CC2D2A: variants seen among roughly 807,000 people sequenced by gnomAD.
CC2D2A encodes coiled-coil and C2 domain containing 2A.
In CC2D2A, 155 loss-of-function variants were observed where a neutral mutation model predicts 212.9. The observed-to-expected ratio is 0.73, with a 90% CI of 0.64 to 0.83. CC2D2A has a LOEUF of 0.83. Among genes scored for constraint, CC2D2A ranks in the 40% least tolerant of loss-of-function variants. The probability of loss-of-function intolerance (pLI) is 0.00; values close to 1 mark genes in which losing one functional copy is unlikely to be tolerated. For synonymous variants in CC2D2A, 667 were observed against 686.5 expected (o/e 0.97, Z 0.44); for missense variants, 1,856 against 1,956.2 (o/e 0.95, Z 0.97).
At chr4:15,594,676 A>C (rs1419018859) in intron 33 of CC2D2A, among the ~76,000 whole-genome samples, 1 of 152,160 alleles carries the variant, frequency 6.6e-6, no homozygotes, top group Non-Finnish European at 1.5e-5. Context: ...TTTCTCTTTT[A>C]GTGGGAGGAA....
chr4:15,566,027 G>A (rs1236963894), intron 24 of CC2D2A, among the ~76,000 whole-genome samples: 3 of 152,242 alleles, frequency 2.0e-5, no homozygotes, highest in Non-Finnish European at 4.4e-5. Context: ...AGCTGTGAAA[G>A]GTGATAGTCT....
intron 11 of CC2D2A, among the ~76,000 whole-genome samples, chr4:15,520,986 T>C (rs941580278): frequency 6.6e-6 from 1 of 152,156 alleles, no homozygotes; most frequent in Non-Finnish European, 1.5e-5. Context: ...TTCCTTTCAA[T>C]ACTTTTGAGA....
intron 4 of CC2D2A, among the ~76,000 whole-genome samples, chr4:15,490,634 T>G (rs1216172319): frequency 6.6e-6 from 1 of 152,222 alleles, no homozygotes; most frequent in East Asian, 1.9e-4. Flanking sequence ...TTGTGTAAAC[T>G]TATGTTTTCA....
chr4:15,524,337 T>C (rs1392249863), intron 11 of CC2D2A, among the ~76,000 whole-genome samples: 4 of 152,138 alleles, frequency 2.6e-5, no homozygotes, highest in Non-Finnish European at 1.5e-5. Flanking sequence ...TTCACCATCT[T>C]GGCCAGGCTG....
At chr4:15,473,478 A>C (rs913719647) in intron 1 of CC2D2A, among the ~76,000 whole-genome samples, 1 of 152,202 alleles carries the variant, frequency 6.6e-6, no homozygotes, top group Non-Finnish European at 1.5e-5. Context: ...CCGCAGCTAC[A>C]AAGGTCCTGA....
chr4:15,535,574 G>A (rs1037653556), intron 14 of CC2D2A, among the ~76,000 whole-genome samples: 18 of 151,932 alleles, frequency 1.2e-4, no homozygotes, highest in African/African-American at 3.6e-4. Flanking sequence ...GAATAACAAT[G>A]AGAAAAGTGA....
At chr4:15,592,913 T>A (rs977443705) in intron 33 of CC2D2A, among the ~76,000 whole-genome samples, 1 of 152,328 alleles carries the variant, frequency 6.6e-6, no homozygotes, top group East Asian at 1.9e-4. Flanking sequence ...ATATCACTTA[T>A]CCTGATTCAA....
intron 8 of CC2D2A, among the ~76,000 whole-genome samples, chr4:15,512,737 A>G (rs746390103): frequency 3.9e-5 from 6 of 152,188 alleles, no homozygotes; most frequent in Non-Finnish European, 8.8e-5. Flanking sequence ...GGATCACCTA[A>G]GGTCAGGAGT....
chr4:15,502,836 T>G lies in CC2D2A; in HGVS notation c.351T>G (p.Ser117Arg), dbSNP rs186264635. The G allele has an allele frequency of 1.8e-3, 2,884 of 1,610,380 alleles. 6 individuals carry two copies. The highest frequency in any genetic ancestry group is 2.1e-3 in the Non-Finnish European group (2,515 of 1,178,368). The stretch of plus-strand genomic sequence containing the variant: ...TGACTTTTTAGTCCAAAGCAGAAAG[T>G]GCATTGCTGCAGGAAATCCCCACTC... ...KLQAARSKAE[S>R]ALLQEIPTPR... Residue 117 changes from serine to arginine, a missense_variant, in exon 6 of 37, where the codon AGT becomes AGG. Ser to Arg is a moderately radical substitution (Grantham distance 110). Coordinates refer to ENST00000424120, the MANE Select transcript of CC2D2A (RefSeq NM_001378615.1).
At chr4:15,502,260 T>G (rs1715994816) in intron 4 of CC2D2A, among the ~76,000 whole-genome samples, 169 bp from the exon 5 acceptor site, 1 of 152,240 alleles carries the variant, frequency 6.6e-6, no homozygotes, top group Non-Finnish European at 1.5e-5. Flanking sequence ...CATGATCTCA[T>G]GTTTGCTTAT....
At chr4:15,568,726 C>T (rs981731974) in intron 26 of CC2D2A, among the ~76,000 whole-genome samples, 2 of 152,168 alleles carry the variant, frequency 1.3e-5, no homozygotes, top group Non-Finnish European at 2.9e-5. Flanking sequence ...AGACACCAGC[C>T]CTGCCATGCA....
At chr4:15,478,865 T>TCC (rs1202909340) in intron 3 of CC2D2A, 59 bp downstream of exon 3, 5 of 1,339,600 alleles carry the variant, frequency 3.7e-6, no homozygotes, top group Non-Finnish European at 5.2e-6. Flanking sequence ...CCCGCCTGCA[T>TCC]CCCCAGGGCC....
intron 11 of CC2D2A, among the ~76,000 whole-genome samples, chr4:15,517,925 C>A (rs1209297842): frequency 6.6e-6 from 1 of 152,162 alleles, no homozygotes; most frequent in Admixed American, 6.5e-5. Context: ...GTTTATAAAA[C>A]CATCAGATCT....
chr4:15,511,720 T>C (rs917897221), intron 8 of CC2D2A: 22 of 182,290 alleles, frequency 1.2e-4, no homozygotes, highest in African/African-American at 4.9e-4. Flanking sequence ...TAATGATTAG[T>C]ATTTATTCCA....
Position 15,597,466 on chromosome 4 carries a change from GTAACA to G in CC2D2A, c.4496+8_4496+12del. On this transcript the variant is annotated splice_donor_variant and splice_donor_5th_base_variant and intron_variant, in intron 35 of 36. Transcript: ENST00000424120. LOFTEE classifies it high-confidence loss of function. ...CAGCTGCAGCTGAGCTACAAGACAG[GTAACA>G]TAACATCCATAAATCCACATGTAAT... 1.3e-6 allele frequency: 2 copies of G among 1,551,822 alleles called. No individual in the cohort carries two copies. Among genetic ancestry groups the G allele is most frequent in the Middle Eastern group, 1.7e-4 (1 of 5,998 alleles).
chr4:15,488,904 T>C (rs796760062), intron 4 of CC2D2A, among the ~76,000 whole-genome samples: 31 of 152,176 alleles, frequency 2.0e-4, no homozygotes, highest in African/African-American at 7.0e-4. Context: ...AACATATATA[T>C]AGTCATGACA....
chr4:15,514,551 T>C (rs1322780192), intron 8 of CC2D2A, among the ~76,000 whole-genome samples, 156 bp from the exon 9 acceptor site: 2 of 152,206 alleles, frequency 1.3e-5, no homozygotes, highest in Non-Finnish European at 2.9e-5. Flanking sequence ...TTGTTAAATA[T>C]GAAAGGTTAT....
intron 2 of CC2D2A, among the ~76,000 whole-genome samples, chr4:15,477,633 C>T (rs1230017781): frequency 2.0e-5 from 3 of 152,106 alleles, no homozygotes; most frequent in South Asian, 2.1e-4. Flanking sequence ...TCTAAGTTGG[C>T]GAATCCCCTG....
At chr4:15,572,751 C>T (rs1395758945) in intron 28 of CC2D2A, among the ~76,000 whole-genome samples, 1 of 151,956 alleles carries the variant, frequency 6.6e-6, no homozygotes, top group Non-Finnish European at 1.5e-5. Context: ...GGTGAAGTCC[C>T]ACAACAGGCC....
Sources: allele counts gnomAD v4.1 joint callset (sites outside exome capture counted in the v4.1 genomes callset), GRCh38; gene constraint gnomAD v4.1.1; transcripts MANE v1.5; gene names NCBI Gene and HGNC (gene_info 2026-07-23, HGNC 2026-07-21).